The following MYO6 variants were observed in gnomAD, a reference collection of about 807,000 sequenced individuals.
MYO6 encodes the protein myosin VI.
MYO6 carries 74 observed loss-of-function variants against 178.7 expected under a neutral mutation model. That is an observed-to-expected ratio of 0.41 (90% CI 0.34 to 0.50). The LOEUF (loss-of-function observed/expected upper bound fraction) is 0.50. Among genes scored for constraint, MYO6 ranks in the 20% least tolerant of loss-of-function variants. MYO6 has a pLI of 0.09. For synonymous variants in MYO6, 477 were observed against 504.6 expected (o/e 0.95, Z 0.73); for missense variants, 1,330 against 1,547.4 (o/e 0.86, Z 2.36).
intron 33 of MYO6, among the ~76,000 whole-genome samples, chr6:75,913,541 G>C (rs2149431845): frequency 6.6e-6 from 1 of 152,076 alleles, no homozygotes; most frequent in Middle Eastern, 3.4e-3. Context: ...CCTAAAATTT[G>C]TTGGCAAAAG....
chr6:75,792,007 C>G (rs1210265404), intron 1 of MYO6, among the ~76,000 whole-genome samples: 7 of 152,172 alleles, frequency 4.6e-5, no homozygotes. Context: ...GTTCAGTTGA[C>G]AGCCAGTTGA....
At chr6:75,863,307 T>A (rs1040086746) in intron 16 of MYO6, among the ~76,000 whole-genome samples, 40 of 152,230 alleles carry the variant, frequency 2.6e-4, no homozygotes, top group African/African-American at 8.7e-4. Context: ...TAGATAATGA[T>A]CAGCCAATTC....
chr6:75,801,304 G>A (rs1769426333), intron 1 of MYO6, among the ~76,000 whole-genome samples: 1 of 152,014 alleles, frequency 6.6e-6, no homozygotes, highest in South Asian at 2.1e-4. Context: ...GAGAAGAGCG[G>A]GGAGAGGAGG....
chr6:75,831,736 A>G (rs1773107332), intron 5 of MYO6, among the ~76,000 whole-genome samples: 1 of 152,002 alleles, frequency 6.6e-6, no homozygotes, highest in Admixed American at 6.6e-5. Flanking sequence ...TATAAAAAAA[A>G]TGAAAAAATT....
intron 28 of MYO6, among the ~76,000 whole-genome samples, 173 bp from the exon 29 acceptor site, chr6:75,895,058 T>C (rs962330324): frequency 6.6e-6 from 1 of 152,234 alleles, no homozygotes; most frequent in African/African-American, 2.4e-5. Flanking sequence ...TTTCCAATCA[T>C]TTTTAATGAA....
At chr6:75,888,633 A>G (rs1342075335) in intron 25 of MYO6, among the ~76,000 whole-genome samples, 1 of 151,932 alleles carries the variant, frequency 6.6e-6, no homozygotes, top group Non-Finnish European at 1.5e-5. Context: ...TGGAGAAACC[A>G]CCAAAAACCT....
At chr6:75,759,090 G>T (rs1302526295) in intron 1 of MYO6, among the ~76,000 whole-genome samples, 1 of 151,736 alleles carries the variant, frequency 6.6e-6, no homozygotes, top group Non-Finnish European at 1.5e-5. Context: ...GGCTGGTCTC[G>T]AACTCCTGAC....
chr6:75,902,097 C>A (rs1375057212), intron 30 of MYO6, among the ~76,000 whole-genome samples: 1 of 152,128 alleles, frequency 6.6e-6, no homozygotes. Flanking sequence ...GGTGGATAAG[C>A]TTTTTGATGT....
At chr6:75,854,859 A>G (rs1478466429) in intron 11 of MYO6, among the ~76,000 whole-genome samples, 1 of 152,168 alleles carries the variant, frequency 6.6e-6, no homozygotes, top group African/African-American at 2.4e-5. Context: ...CTATCAGTGT[A>G]GTTTGCTTAT....
chr6:75,800,877 C>T (rs1185837471), intron 1 of MYO6, among the ~76,000 whole-genome samples: 1 of 152,156 alleles, frequency 6.6e-6, no homozygotes, highest in Admixed American at 6.5e-5. Context: ...CATGCCACCA[C>T]ACCCGGCTAA....
chr6:75,753,517 A>T lies in MYO6; in HGVS notation c.-48+4094A>T, dbSNP rs1036828279. Among the ~76,000 whole-genome samples, 5 of 150,928 alleles carry T rather than the reference A, an allele frequency of 3.3e-5. 1 individual carries two copies. The highest frequency in any genetic ancestry group is 9.8e-5 in the African/African-American group (4 of 40,950). ...ACAGAGTCTCATTCATGCCACATGC[A>T]GTGGCATGATCTCGGCTTACTGCAA... On this transcript the variant is annotated intron_variant, in intron 1 of 34. Coordinates refer to ENST00000369977, the MANE Select transcript of MYO6 (RefSeq NM_004999.4).
intron 1 of MYO6, among the ~76,000 whole-genome samples, chr6:75,756,743 T>C (rs1562112529): frequency 6.6e-6 from 1 of 152,100 alleles, no homozygotes; most frequent in African/African-American, 2.4e-5. Context: ...GTGCTGGTGT[T>C]ATGACCTTCA....
intron 1 of MYO6, among the ~76,000 whole-genome samples, chr6:75,764,803 G>A (rs1246582175): frequency 3.3e-5 from 5 of 152,000 alleles, no homozygotes; most frequent in Admixed American, 1.3e-4. Flanking sequence ...TTCAAGACCC[G>A]CCTAGCCAAC....
In MYO6 at chr6:75,861,103, T is replaced by C. The variant is rs1776175586; in HGVS notation, c.1546+8T>C. 1 of 1,595,980 alleles carries C rather than the reference T, an allele frequency of 6.3e-7. No homozygotes were observed. Among genetic ancestry groups the C allele is most frequent in the Non-Finnish European group, 8.6e-7 (1 of 1,164,104 alleles). On this transcript the variant is annotated splice_region_variant and intron_variant, in intron 15 of 34. Transcript: ENST00000369977. ...ATAATCAGGACTGTATAGGTATGTG[T>C]TTTTTAACTCCACCTTTGAAAAATA...
In MYO6 at chr6:75,916,509, G is replaced by C. The variant is rs971631010; in HGVS notation, c.*1497G>C. 6.6e-6 allele frequency: 1 copy of C among 152,586 alleles called. No individual in the cohort carries two copies. The highest frequency in any genetic ancestry group is 2.4e-5 in the African/African-American group (1 of 41,438). 9.5% of individuals were successfully genotyped at this position (152,586 alleles called of 1,614,324 possible). On this transcript the variant is annotated 3_prime_UTR_variant, in exon 35 of 35. Coordinates refer to ENST00000369977, the MANE Select transcript of MYO6 (RefSeq NM_004999.4). ...AATGCAAATGTGATTATCTTTTGAA[G>C]GCTGTATTACTGCATAGCTTCACCC... is the stretch of plus-strand genomic sequence containing the variant.
intron 1 of MYO6, among the ~76,000 whole-genome samples, chr6:75,813,932 C>T (rs1004012463): frequency 5.9e-5 from 9 of 152,160 alleles, no homozygotes; most frequent in South Asian, 2.1e-4. Flanking sequence ...GTCCCCTTTA[C>T]CCTTCCCTCT....
At chr6:75,907,509 T>G (rs574973771) in intron 30 of MYO6, 96 bp from the exon 31 acceptor site, 2 of 915,350 alleles carry the variant, frequency 2.2e-6, no homozygotes, top group Non-Finnish European at 1.8e-6. Flanking sequence ...AGTAGCTGTT[T>G]CCGGTTTTCA....
At chr6:75,780,390 C>T (rs1037474615) in intron 1 of MYO6, among the ~76,000 whole-genome samples, 6 of 152,150 alleles carry the variant, frequency 3.9e-5, no homozygotes, top group East Asian at 3.9e-4. Context: ...TGCAGTGAGT[C>T]GAGATTGTGC....
intron 30 of MYO6, among the ~76,000 whole-genome samples, chr6:75,904,490 G>A (rs1002487195): frequency 2.2e-4 from 33 of 151,620 alleles, no homozygotes; most frequent in Admixed American, 1.4e-3. Context: ...ATCTTCCATC[G>A]CTGATACCCT....
Sources: gnomAD v4.1 joint callset for allele counts (sites outside exome capture counted in the v4.1 genomes callset) on GRCh38, gnomAD v4.1.1 for gene constraint, MANE v1.5 for transcripts, NCBI Gene and HGNC (gene_info 2026-07-23, HGNC 2026-07-21) for gene names.